The following TRDN variants were observed in gnomAD, a reference collection of about 807,000 sequenced individuals.
TRDN encodes the protein triadin in skeletal muscle.
Under a neutral mutation model 149.7 loss-of-function variants are expected in TRDN, and 161 were observed. The ratio of observed to expected loss-of-function variants is 1.08; its 90% CI spans 0.95 to 1.23. TRDN has a LOEUF of 1.23. TRDN is among the 50% of genes most tolerant of loss of function. The pLI is 0.00. For missense variants in TRDN, 896 were observed against 823.5 expected (o/e 1.09, Z -1.08); for synonymous variants, 294 against 250.5 (o/e 1.17, Z -1.64).
intron 38 of TRDN, among the ~76,000 whole-genome samples, chr6:123,249,147 C>T (rs112339343): frequency 1.6e-4 from 25 of 152,000 alleles, no homozygotes; most frequent in Non-Finnish European, 3.2e-4. Flanking sequence ...ACAGACATCT[C>T]GCAAAAGAAT....
At chr6:123,345,749 C>T (rs781572677) in intron 21 of TRDN, among the ~76,000 whole-genome samples, 12 of 151,978 alleles carry the variant, frequency 7.9e-5, no homozygotes, top group Non-Finnish European at 1.8e-4. Flanking sequence ...GGTTTCCCTC[C>T]AACAGGTCTT....
intron 23 of TRDN, among the ~76,000 whole-genome samples, 157 bp from the exon 24 acceptor site, chr6:123,316,652 A>G (rs1489927387): frequency 6.6e-6 from 1 of 151,898 alleles, no homozygotes; most frequent in Non-Finnish European, 1.5e-5. Flanking sequence ...TCAAAATATT[A>G]ATGGAATATG....
chr6:123,302,028 T>TA (rs897785826), intron 24 of TRDN, among the ~76,000 whole-genome samples: 3 of 150,410 alleles, frequency 2.0e-5, no homozygotes, highest in Non-Finnish European at 3.0e-5. Context: ...TAATGCATGA[T>TA]AAAAAATTCA....
At chr6:123,594,689 A>G (rs1783949158) in intron 1 of TRDN, among the ~76,000 whole-genome samples, 1 of 152,066 alleles carries the variant, frequency 6.6e-6, no homozygotes, top group Admixed American at 6.6e-5. Context: ...TACCCTCAGA[A>G]CCTAAAATAC....
At chr6:123,388,062 T>C (rs1200665170) in intron 14 of TRDN, among the ~76,000 whole-genome samples, 1 of 149,048 alleles carries the variant, frequency 6.7e-6, no homozygotes, top group Non-Finnish European at 1.5e-5. Context: ...AAGCGGTATA[T>C]AAGCCAGAAA....
intron 9 of TRDN, among the ~76,000 whole-genome samples, chr6:123,476,565 A>T (rs1489670099): frequency 6.9e-6 from 1 of 145,788 alleles, no homozygotes; most frequent in Non-Finnish European, 1.5e-5. Context: ...ACTACTTTAA[A>T]GTTCATATGG....
At chr6:123,592,017 C>T (rs937930234) in intron 1 of TRDN, among the ~76,000 whole-genome samples, 10 of 152,204 alleles carry the variant, frequency 6.6e-5, no homozygotes, top group Admixed American at 5.9e-4. Flanking sequence ...TTAAAAAGAA[C>T]CAATTTTCTG....
At chr6:123,506,830 A>G (rs1460425862) in intron 7 of TRDN, among the ~76,000 whole-genome samples, 2 of 152,240 alleles carry the variant, frequency 1.3e-5, no homozygotes, top group East Asian at 3.9e-4. Context: ...ATGTCTTCCC[A>G]TGAGCTTCCA....
At chr6:123,534,379 C>T (rs976816338) in intron 4 of TRDN, among the ~76,000 whole-genome samples, 1 of 152,086 alleles carries the variant, frequency 6.6e-6, no homozygotes, top group Non-Finnish European at 1.5e-5. Context: ...TGCAACTTTG[C>T]GTTCTCTTTG....
intron 1 of TRDN, among the ~76,000 whole-genome samples, chr6:123,575,580 T>C (rs1406041656): frequency 1.3e-5 from 2 of 152,102 alleles, no homozygotes; most frequent in Non-Finnish European, 2.9e-5. Context: ...TGTAAAGCAC[T>C]TTCCAGGCCT....
chr6:123,477,883 G>A (rs1245685322), intron 9 of TRDN, among the ~76,000 whole-genome samples: 1 of 147,936 alleles, frequency 6.8e-6, no homozygotes, highest in East Asian at 2.1e-4. Flanking sequence ...CACAGGAAGG[G>A]GAATATCACA....
intron 33 of TRDN, among the ~76,000 whole-genome samples, chr6:123,262,480 T>A (rs78252609): frequency 6.6e-6 from 1 of 152,050 alleles, no homozygotes; most frequent in Non-Finnish European, 1.5e-5. Context: ...GAAAACATGA[T>A]AGGCATTCCC....
chr6:123,571,818 T>C (rs1311286088), intron 1 of TRDN, among the ~76,000 whole-genome samples: 1 of 152,026 alleles, frequency 6.6e-6, no homozygotes, highest in African/African-American at 2.4e-5. Context: ...ATATCAGAAG[T>C]GTGTTTTATT....
At chr6:123,586,296 G>C (rs1408050237) in intron 1 of TRDN, among the ~76,000 whole-genome samples, 1 of 152,106 alleles carries the variant, frequency 6.6e-6, no homozygotes, top group Admixed American at 6.5e-5. Flanking sequence ...TTATAGGGTG[G>C]AGGACCGGAG....
chr6:123,561,428 A>G (rs1781993432), intron 2 of TRDN, among the ~76,000 whole-genome samples: 1 of 152,154 alleles, frequency 6.6e-6, no homozygotes, highest in Admixed American at 6.5e-5. Context: ...GGAATGCTAC[A>G]GGGTACAGCC....
intron 24 of TRDN, among the ~76,000 whole-genome samples, chr6:123,288,400 A>T (rs193284539): frequency 2.4e-4 from 36 of 152,242 alleles, no homozygotes; most frequent in African/African-American, 8.7e-4. Context: ...GAGTGAAACT[A>T]AAAAGCCTCT....
At chr6:123,357,713 T>C (rs1487090621) in intron 20 of TRDN, among the ~76,000 whole-genome samples, 2 of 152,156 alleles carry the variant, frequency 1.3e-5, no homozygotes, top group East Asian at 1.9e-4. Flanking sequence ...TATAAGTATG[T>C]TTAGGAAATA....
chr6:123,223,675 TCC>T (rs1775238431), intron 39 of TRDN, among the ~76,000 whole-genome samples: 1 of 103,346 alleles, frequency 9.7e-6, no homozygotes, highest in African/African-American at 5.5e-5. Flanking sequence ...TTCCATTTCT[TCC>T]TTCCTTCCTT....
At chr6:123,524,482 T>C (rs1259096946) in intron 5 of TRDN, among the ~76,000 whole-genome samples, 3 of 152,112 alleles carry the variant, frequency 2.0e-5, no homozygotes, top group Non-Finnish European at 4.4e-5. Flanking sequence ...TTCTTAAGAT[T>C]TTATTTAAGA....
Sources: allele counts gnomAD v4.1 joint callset (sites outside exome capture counted in the v4.1 genomes callset), GRCh38; gene constraint gnomAD v4.1.1; transcripts MANE v1.5; gene names NCBI Gene and HGNC (gene_info 2026-07-23, HGNC 2026-07-21).